Variants in QSOX2 observed in about 807,000 individuals in gnomAD.
QSOX2 encodes the protein sulfhydryl oxidase 2.
In QSOX2, 46 loss-of-function variants were observed where a neutral mutation model predicts 61.7. That is an observed-to-expected ratio of 0.75 (90% confidence interval 0.59 to 0.95). QSOX2 has a LOEUF of 0.95. Ranked by LOEUF, QSOX2 falls within the 40% of genes least tolerant of loss-of-function variation. The pLI, the probability that QSOX2 is intolerant of heterozygous loss-of-function variation, is 0.00. For synonymous variants in QSOX2, 383 were observed against 388.4 expected (o/e 0.99, Z 0.16); for missense variants, 879 against 918.9 (o/e 0.96, Z 0.56).
intron 1 of QSOX2, among the ~76,000 whole-genome samples, chr9:136,242,486 C>T (rs1333088663): frequency 6.6e-6 from 1 of 152,256 alleles, no homozygotes; most frequent in African/African-American, 2.4e-5. Context: ...AGCAGGATGA[C>T]CTAAGTCACA....
chr9:136,225,061 T>G (rs28594424), intron 2 of QSOX2, 152 bp from the exon 3 acceptor site: 45,867 of 571,316 alleles, frequency 0.08, 3,150 homozygotes, highest in African/African-American at 0.26. Flanking sequence ...ACGCTTCTCC[T>G]TGTCTTTGTG....
intron 9 of QSOX2, 88 bp from the exon 10 acceptor site, chr9:136,215,392 G>T (rs905137900): frequency 9.0e-7 from 1 of 1,111,412 alleles, no homozygotes; most frequent in East Asian, 3.8e-5. Flanking sequence ...CTTGACTGGG[G>T]GGGGTGGATA....
Position 136,226,862 on chromosome 9 carries a change from G to A in QSOX2, c.341C>T (p.Ala114Val). ...LAGDVRDWAS[A>V]IRVAALDCME... is the part of the protein sequence containing the mutation. ...GCAGTCCAGAGCTGCGACGCGAATG[G>A]CACTGGCCCAGTCTGAAAAGCAGGA... The change falls in exon 2 of 12, where the codon GCC (alanine) becomes GTC (valine). Residue 114 changes from alanine to valine, a missense_variant. Ala to Val is a moderately conservative substitution (Grantham distance 64, BLOSUM62 0). Coordinates refer to ENST00000358701, the MANE Select transcript of QSOX2 (RefSeq NM_181701.4). 1 of 1,614,050 alleles carries A rather than the reference G, an allele frequency of 6.2e-7. No individual in the cohort carries two copies. The highest frequency in any genetic ancestry group is 8.5e-7 in the Non-Finnish European group (1 of 1,179,894).
At chr9:136,244,867 T>G (rs1376613194) in intron 1 of QSOX2, among the ~76,000 whole-genome samples, 1 of 152,142 alleles carries the variant, frequency 6.6e-6, no homozygotes, top group East Asian at 1.9e-4. Flanking sequence ...TATAGGTTGT[T>G]TTGGGGTATT....
At chr9:136,225,745 C>T (rs747726600) in intron 2 of QSOX2, among the ~76,000 whole-genome samples, 10 of 152,264 alleles carry the variant, frequency 6.6e-5, no homozygotes, top group East Asian at 1.9e-4. Context: ...CACCTGGCAA[C>T]GGGGGGCTCT....
At position 136,209,582 on chromosome 9, in the gene QSOX2, A is replaced by G; in HGVS notation, c.1550-307T>C. On this transcript the variant is annotated intron_variant, in intron 11 of 11. Transcript: ENST00000358701. This position sits in a 1 kb window ranked among gnomAD's most constrained non-coding sequence, Gnocchi z 5.6. ...AGACCACACCTGTCCCAAACCACCC[A>G]GCACTCCACTTCCAAAACGGAGCAT... is the stretch of plus-strand genomic sequence containing the variant. The G allele has an allele frequency of 1.0e-6, 1 of 985,278 alleles. No homozygotes were observed. Among genetic ancestry groups the G allele is most frequent in the Non-Finnish European group, 1.2e-6 (1 of 829,878 alleles). The allele number at this position is 985,278 out of a possible 1,614,324, so 61.0% of individuals were successfully genotyped here.
intron 1 of QSOX2, among the ~76,000 whole-genome samples, chr9:136,238,429 C>T (rs1830407978): frequency 6.6e-6 from 1 of 152,238 alleles, no homozygotes; most frequent in Admixed American, 6.5e-5. Flanking sequence ...CACAATTCTA[C>T]CAGGAAGGCA....
chr9:136,231,699 G>A (rs140277633), intron 1 of QSOX2, among the ~76,000 whole-genome samples: 154 of 152,312 alleles, frequency 1.0e-3, no homozygotes, highest in Admixed American at 2.9e-3. Flanking sequence ...CATGGCCTCC[G>A]TGCAGTTTCT....
Position 136,230,018 on chromosome 9 carries a change from C to A in QSOX2, c.329-3144G>T, listed in dbSNP as rs531030870. ...CCTCCTGGCCGGGCGTGGTGGCTCA[C>A]GCCTGTAATCCTAGCACTTTGGGAG... On this transcript the variant is annotated intron_variant, in intron 1 of 11. Transcript: ENST00000358701. Among the ~76,000 whole-genome samples, 452 of 151,978 alleles carry A rather than the reference C, an allele frequency of 3.0e-3. 1 individual carries two copies. Among genetic ancestry groups the A allele is most frequent in the African/African-American group, 9.8e-3 (408 of 41,446 alleles).
chr9:136,232,815 G>A (rs531466608), intron 1 of QSOX2, among the ~76,000 whole-genome samples: 1 of 150,170 alleles, frequency 6.7e-6, no homozygotes, highest in Admixed American at 6.7e-5. Flanking sequence ...CAGCTACTCA[G>A]CAGGTTGAGA....
intron 1 of QSOX2, among the ~76,000 whole-genome samples, chr9:136,232,081 A>G (rs1830336811): frequency 6.6e-6 from 1 of 152,198 alleles, no homozygotes; most frequent in Non-Finnish European, 1.5e-5. Flanking sequence ...GCTCCTGGAA[A>G]CGGTGGCTTG....
intron 1 of QSOX2, among the ~76,000 whole-genome samples, chr9:136,232,564 C>T (rs191696664): frequency 6.6e-6 from 1 of 152,250 alleles, no homozygotes; most frequent in East Asian, 1.9e-4. Context: ...TACAATGCAT[C>T]AAAACTCACA....
rs1465555910 is a variant in QSOX2, at chr9:136,209,654, C to A, written c.1550-379G>T. 2.4e-5 allele frequency: 24 copies of A among 985,062 alleles called. No individual in the cohort carries two copies. Among genetic ancestry groups the A allele is most frequent in the Non-Finnish European group, 2.5e-5 (21 of 829,836 alleles). 61.0% of individuals were successfully genotyped at this position (985,062 alleles called of 1,614,324 possible). A position where few individuals can be genotyped will look rare whatever the true frequency, so the allele number is the denominator to read the frequency against. On this transcript the variant is annotated intron_variant, in intron 11 of 11. Transcript: ENST00000358701. The surrounding 1 kb of genome is among the most constrained non-coding windows in gnomAD (Gnocchi z 5.6). ...TTCTCCGCACAGTGCTGCCTGTGTG[C>A]CCCTCCCCCCACTGCTGCCCCTCTG...
intron 2 of QSOX2, among the ~76,000 whole-genome samples, chr9:136,226,203 T>C (rs971037095): frequency 6.6e-6 from 1 of 152,202 alleles, no homozygotes; most frequent in East Asian, 1.9e-4. Flanking sequence ...GAGATGTCCA[T>C]GTCAAGGCAC....
At position 136,208,614 on chromosome 9, in the gene QSOX2, A is replaced by G; in HGVS notation, c.*114T>C. The stretch of plus-strand genomic sequence containing the variant: ...AAGCCAAAAGGTGCCATCCGATGTG[A>G]AACCAGGCCCGCATGTTTATAAAAT... On this transcript the variant is annotated 3_prime_UTR_variant, in exon 12 of 12. Transcript: ENST00000358701. 7.7e-7 allele frequency: 1 copy of G among 1,298,838 alleles called. No homozygotes were observed. The highest frequency in any genetic ancestry group is 1.0e-6 in the Non-Finnish European group (1 of 971,616). 80.5% of individuals were successfully genotyped at this position (1,298,838 alleles called of 1,614,324 possible). A position where few individuals can be genotyped will look rare whatever the true frequency, so the allele number is the denominator to read the frequency against.
intron 9 of QSOX2, 86 bp from the exon 10 acceptor site, chr9:136,215,390 G>T: frequency 9.0e-7 from 1 of 1,111,046 alleles, no homozygotes; most frequent in Non-Finnish European, 1.2e-6. Flanking sequence ...TTCTTGACTG[G>T]GGGGGGTGGA....
At chr9:136,220,694 TCTCAAC>T (rs1321508068) in intron 6 of QSOX2, among the ~76,000 whole-genome samples, 1 of 152,076 alleles carries the variant, frequency 6.6e-6, no homozygotes, top group Non-Finnish European at 1.5e-5. Flanking sequence ...TACTTAACTT[TCTCAAC>T]CATTTTTCAT....
rs1830469746 is a variant in QSOX2 at position 136,245,757 on chromosome 9, G to A, written c.47C>T (p.Ala16Val). 10 of 1,153,120 alleles carry A rather than the reference G, an allele frequency of 8.7e-6. No homozygotes were observed. The South Asian group carries it at 1.7e-4, about 19-fold the overall frequency. The allele number at this position is 1,153,120 out of a possible 1,614,324, so 71.4% of individuals were successfully genotyped here. Reference protein sequence around the residue: ...AAVARSPGIGAGPALRARRSP... With the variant: ...AAVARSPGIGVGPALRARRSP... ...GCGCCGGGCTCTCAGCGCAGGTCCCGCTCCGATTCCCGGGCTGCGCGCCAC... is the reference window on the plus strand; with the variant it reads ...GCGCCGGGCTCTCAGCGCAGGTCCCACTCCGATTCCCGGGCTGCGCGCCAC... The change falls in exon 1 of 12, where the codon GCG (alanine) becomes GTG (valine). Residue 16 changes from alanine (A) to valine (V), a missense_variant. Coordinates refer to ENST00000358701, the MANE Select transcript of QSOX2 (RefSeq NM_181701.4).
At chr9:136,217,060 G>T (rs1831922667) in intron 8 of QSOX2, among the ~76,000 whole-genome samples, 1 of 152,242 alleles carries the variant, frequency 6.6e-6, no homozygotes, top group African/African-American at 2.4e-5. Flanking sequence ...GCTGGCGGGG[G>T]CTTGCTGATT....
Sources: gnomAD v4.1 joint callset for allele counts (sites outside exome capture counted in the v4.1 genomes callset) on GRCh38, gnomAD v4.1.1 for gene constraint, Gnocchi (gnomAD v3.1) non-coding constraint, MANE v1.5 for transcripts, NCBI Gene and HGNC (gene_info 2026-07-23, HGNC 2026-07-21) for gene names.